PNPLA6: variants seen among roughly 807,000 people sequenced by gnomAD.
PNPLA6 encodes patatin like domain 6, lysophospholipase.
A neutral mutation model predicts 153.7 loss-of-function variants in PNPLA6; 105 were observed. The observed-to-expected ratio is 0.68, with a 90% CI of 0.58 to 0.80. The LOEUF is 0.80. Ranked by LOEUF, PNPLA6 falls within the 30% of genes least tolerant of loss-of-function variation. The probability of loss-of-function intolerance (pLI) is 0.00; values close to 1 mark genes in which losing one functional copy is unlikely to be tolerated. For missense variants in PNPLA6, 1,423 were observed against 1,919.3 expected (o/e 0.74, Z 4.83); for synonymous variants, 825 against 822.2 (o/e 1.00, Z -0.06).
In PNPLA6 at chr19:7,558,945, T is replaced by G; in HGVS notation, c.3493T>G (p.Ser1165Ala). ...CCTCAGCACCTACGGGGACAGCCTG[T>G]CCGGCTGGTGGCTGCTGTGGAAGCG... ...TDLSTYGDSL[S>A]GWWLLWKRLN... Residue 1165 changes from serine (S) to alanine (A), a missense_variant, in exon 28 of 32, where the codon TCC becomes GCC. By Grantham distance (99) the Ser-to-Ala change is moderately conservative (BLOSUM62 1). Coordinates refer to ENST00000600737, the MANE Select transcript of PNPLA6 (RefSeq NM_001166114.2). The G allele has an allele frequency of 6.2e-7, 1 of 1,614,128 alleles. No individual in the cohort carries two copies. The highest frequency in any genetic ancestry group is 8.5e-7 in the Non-Finnish European group (1 of 1,179,988).
At chr19:7,543,136 A>G in intron 13 of PNPLA6, 52 bp downstream of exon 13, 2 of 1,468,878 alleles carry the variant, frequency 1.4e-6, no homozygotes, top group Non-Finnish European at 1.9e-6. Flanking sequence ...ATTCCCTATG[A>G]CTTCTGTGAC....
Position 7,550,414 on chromosome 19 carries a change from G to C in PNPLA6, c.1931G>C (p.Gly644Ala). 1 of 1,611,430 alleles carries C rather than the reference G, an allele frequency of 6.2e-7. No homozygotes were observed. The highest frequency in any genetic ancestry group is 8.5e-7 in the Non-Finnish European group (1 of 1,179,920). Residue 644 changes from glycine (G) to alanine (A), a missense_variant, in exon 15 of 32, where the codon GGA becomes GCA. Physicochemically the swap from Gly to Ala is moderately conservative, Grantham distance 60. Around this residue, in one of 10 missense-constraint regions of PNPLA6, gnomAD observed 63 missense variants for 166.2 expected, o/e 0.38. Coordinates refer to ENST00000600737, the MANE Select transcript of PNPLA6 (RefSeq NM_001166114.2). Reference protein sequence around the residue: ...FAIDWTAVEAGRALYRQGDRS... With the variant: ...FAIDWTAVEAARALYRQGDRS... Reference sequence around the variant, plus strand: ...ATCGACTGGACTGCAGTGGAGGCGGGACGCGCGCTGTACAGGTGCAGCTCC... The same window carrying C: ...ATCGACTGGACTGCAGTGGAGGCGGCACGCGCGCTGTACAGGTGCAGCTCC...
At chr19:7,535,414 G>A (rs755565146), upstream of PNPLA6, 3 of 930,882 alleles carry the variant, frequency 3.2e-6, no homozygotes, top group East Asian at 2.6e-5. The surrounding 1 kb of genome is among the most constrained non-coding windows in gnomAD (Gnocchi z 5.0). Context: ...CACCCCAGAG[G>A]GCAGGGCTTG....
intron 13 of PNPLA6, among the ~76,000 whole-genome samples, chr19:7,545,136 C>T (rs1323260359): frequency 1.3e-5 from 2 of 152,098 alleles, no homozygotes; most frequent in Admixed American, 6.6e-5. Flanking sequence ...AAGTGATTCT[C>T]CCACCTCAGC....
In PNPLA6 at chr19:7,554,702, C is replaced by T; in HGVS notation, c.2613C>T (p.Asp871=). 1 of 1,613,478 alleles carries T rather than the reference C, an allele frequency of 6.2e-7. No individual in the cohort carries two copies. The highest frequency in any genetic ancestry group is 1.1e-5 in the South Asian group (1 of 91,074). ...ADCILIVGLG[D]QEPTLGQLEQ... ...GCATCCTCATTGTGGGCCTGGGGGA[C>T]CAGGAGCCTACCCTCGGCCAGGTCG... The change falls in exon 21 of 32, where the codon GAC becomes GAT. Residue 871 remains aspartate (D), a synonymous_variant. Transcript: ENST00000600737.
rs765578747 is a variant in PNPLA6 at position 7,535,762 on chromosome 19, A to G, written c.-27A>G. 4.0e-6 allele frequency: 6 copies of G among 1,518,450 alleles called. No homozygotes were observed. In the South Asian group the frequency reaches 6.1e-5, roughly 15 times the overall value. The allele number at this position is 1,518,450 out of a possible 1,614,324, so 94.1% of individuals were successfully genotyped here. A position where few individuals can be genotyped will look rare whatever the true frequency, so the allele number is the denominator to read the frequency against. On this transcript the variant is annotated 5_prime_UTR_variant, in exon 1 of 32. Transcript: ENST00000600737. The surrounding 1 kb of genome is among the most constrained non-coding windows in gnomAD (Gnocchi z 5.0). ...TCAGGGAAGAGTCGCGCCCCCGGGG[A>G]GGGAGCAGCACTGGCCCATTCTGCA... is the stretch of plus-strand genomic sequence containing the variant.
At chr19:7,536,337 ACTT>A in intron 2 of PNPLA6, 64 bp downstream of exon 2, 1 of 1,440,702 alleles carries the variant, frequency 6.9e-7, no homozygotes, top group Non-Finnish European at 9.8e-7. Context: ...CCCTATTTAC[ACTT>A]CTTAGTGTCC....
At chr19:7,542,383 A>G (rs977068938) in intron 10 of PNPLA6, 178 bp from the exon 11 acceptor site, 6 of 653,552 alleles carry the variant, frequency 9.2e-6, no homozygotes, top group African/African-American at 1.8e-5. Context: ...CTCCCAGGCT[A>G]GAGTGCAGTG....
intron 13 of PNPLA6, among the ~76,000 whole-genome samples, chr19:7,548,834 G>T (rs2023509672): frequency 1.5e-5 from 2 of 137,236 alleles, no homozygotes; most frequent in East Asian, 2.1e-4. Context: ...ACGGAGTCTC[G>T]CTCAGTCGCC....
chr19:7,561,023 T>A lies in PNPLA6; in HGVS notation c.3826T>A (p.Phe1276Ile), dbSNP rs1490240529. 1 of 1,611,180 alleles carries A rather than the reference T, an allele frequency of 6.2e-7. No individual in the cohort carries two copies. The highest frequency in any genetic ancestry group is 1.7e-5 in the Admixed American group (1 of 59,578). Residue 1276 changes from phenylalanine to isoleucine, a missense_variant, in exon 30 of 32, where the codon TTC becomes ATC. Phe to Ile is a conservative substitution (Grantham distance 21). Around this residue, in one of 10 missense-constraint regions of PNPLA6, gnomAD observed 643 missense variants for 835.2 expected, o/e 0.77. Transcript: ENST00000600737. The part of the protein sequence containing the change: ...NESRRADVLA[F>I]PSSGFTDLAE... ...CAGTGTCACCCCACAGGTGCTTGCC[T>A]TCCCAAGCTCTGGCTTCACTGACTT...
rs914512235 is a variant in PNPLA6, at chr19:7,535,858, C to T, written c.70C>T (p.Gln24Ter). The T allele has an allele frequency of 6.5e-7, 1 of 1,538,982 alleles. No individual in the cohort carries two copies. The highest frequency in any genetic ancestry group is 8.7e-7 in the Non-Finnish European group (1 of 1,147,720). The change falls in exon 1 of 32, where the codon CAG becomes TAG. Residue 24 changes from glutamine to a stop codon, truncating the protein, a stop_gained. Coordinates refer to ENST00000600737, the MANE Select transcript of PNPLA6 (RefSeq NM_001166114.2). LOFTEE classifies it high-confidence loss of function. The surrounding 1 kb of genome is among the most constrained non-coding windows in gnomAD (Gnocchi z 5.0). The part of the protein sequence containing the change: ...GAKVAERDGF[Q>*]DVLAPGEGSA... ...GAAGGTGGCGGAGAGGGATGGGTTC[C>T]AGGACGTCCTGGCGCCCGGGGAAGG...
chr19:7,555,027 C>G lies in PNPLA6; in HGVS notation c.2769C>G (p.His923Gln). 4 of 1,593,538 alleles carry G rather than the reference C, an allele frequency of 2.5e-6. No individual in the cohort carries two copies. The highest frequency in any genetic ancestry group is 3.4e-6 in the Non-Finnish European group (4 of 1,178,272). ...NMRSWCSGHL[H>Q]LRCPRRLFSR... ...GCAGCTGGTGCTCGGGGCACCTGCA[C>G]CTGCGCTGTCCGCGCCGCCTCTTTT... is the stretch of plus-strand genomic sequence containing the variant. The change falls in exon 22 of 32, where the codon CAC becomes CAG. Residue 923 changes from histidine (H) to glutamine (Q), a missense_variant. By Grantham distance (24) the His-to-Gln change is conservative. Around this residue, in one of 10 missense-constraint regions of PNPLA6, gnomAD observed 643 missense variants for 835.2 expected, o/e 0.77. Coordinates refer to ENST00000600737, the MANE Select transcript of PNPLA6 (RefSeq NM_001166114.2). This position sits in a 1 kb window ranked among gnomAD's most constrained non-coding sequence, Gnocchi z 6.3.
chr19:7,554,427 C>A, intron 20 of PNPLA6, 128 bp from the exon 21 acceptor site: 1 of 1,276,666 alleles, frequency 7.8e-7, no homozygotes, highest in Non-Finnish European at 1.1e-6. Context: ...ATCTGCCCAC[C>A]GGAGCACGGA....
In PNPLA6 at chr19:7,559,183, T is replaced by G. The variant is rs776673126; in HGVS notation, c.3699+32T>G. ...GGGCAGGAGTGGCATGGTGCCTGCA[T>G]AGGTGGTCCGGCTAAGCTTTGCTAC... On this transcript the variant is annotated intron_variant, in intron 28 of 31. Transcript: ENST00000600737. The G allele has an allele frequency of 1.9e-6, 3 of 1,594,314 alleles. 1 individual carries two copies. The highest frequency in any genetic ancestry group is 1.3e-5 in the African/African-American group (1 of 74,468).
chr19:7,553,485 G>A (rs1193957697), intron 18 of PNPLA6, among the ~76,000 whole-genome samples: 1 of 152,130 alleles, frequency 6.6e-6, no homozygotes, highest in African/African-American at 2.4e-5. Context: ...CTTTATTTCT[G>A]CCTCGTTTTA....
In PNPLA6 at chr19:7,540,277, AC is replaced by A; in HGVS notation, c.684del (p.Asp228GlufsTer18). 1 of 1,607,898 alleles carries A rather than the reference AC, an allele frequency of 6.2e-7. No homozygotes were observed. The highest frequency in any genetic ancestry group is 1.7e-4 in the Middle Eastern group (1 of 5,826). Reference sequence around the variant, plus strand: ...GATGCCAGCATCTACGTGGTGCAGGACGGGCTGCTGGAGCTCTGTCTGCCAG... The same window carrying A: ...GATGCCAGCATCTACGTGGTGCAGGAGGGCTGCTGGAGCTCTGTCTGCCAG... ...QPDASIYVVQ[D>X]GLLELCLPGP... On this transcript the variant is annotated frameshift_variant, in exon 5 of 32. Transcript: ENST00000600737. LOFTEE classifies it high-confidence loss of function. This position sits in a 1 kb window ranked among gnomAD's most constrained non-coding sequence, Gnocchi z 6.8.
chr19:7,543,115 C>G, intron 13 of PNPLA6, 31 bp downstream of exon 13: 1 of 1,570,742 alleles, frequency 6.4e-7, no homozygotes, highest in Non-Finnish European at 8.8e-7. Flanking sequence ...GTAACCATGC[C>G]ACCTGAGATC....
chr19:7,551,767 C>A (rs1355854295), intron 18 of PNPLA6, among the ~76,000 whole-genome samples: 12 of 152,052 alleles, frequency 7.9e-5, no homozygotes, highest in Non-Finnish European at 1.5e-5. Flanking sequence ...TGGGGAAGTC[C>A]ACGGCCTGGA....
chr19:7,558,789 T>A, intron 27 of PNPLA6, 61 bp from the exon 28 acceptor site: 1 of 1,266,950 alleles, frequency 7.9e-7, no homozygotes, highest in Non-Finnish European at 1.1e-6. Context: ...TGGGACTGGG[T>A]TGAACATCTC....
Sources: allele counts gnomAD v4.1 joint callset (sites outside exome capture counted in the v4.1 genomes callset), GRCh38; gene constraint gnomAD v4.1.1; regional missense constraint gnomAD v4.1.1; non-coding constraint Gnocchi (gnomAD v3.1); transcripts MANE v1.5; gene names NCBI Gene and HGNC (gene_info 2026-07-23, HGNC 2026-07-21).